The following CAAP1 variants were observed in gnomAD, a reference collection of about 807,000 sequenced individuals.
The protein encoded by CAAP1 is conserved anti-apoptotic protein.
CAAP1 carries 20 observed loss-of-function variants against 34.0 expected under a neutral mutation model. The ratio of observed to expected loss-of-function variants is 0.59; its 90% CI spans 0.41 to 0.86. The LOEUF (loss-of-function observed/expected upper bound fraction) is 0.86, where lower values mean the gene tolerates loss of function less well. Among genes scored for constraint, CAAP1 ranks in the 40% least tolerant of loss-of-function variants. The probability of loss-of-function intolerance (pLI) is 0.00; values close to 1 mark genes in which losing one functional copy is unlikely to be tolerated. For synonymous variants in CAAP1, 213 were observed against 166.7 expected, an observed-to-expected ratio of 1.28 and a Z score of -2.14; for missense variants, 538 against 450.5, an observed-to-expected ratio of 1.19 and a Z score of -1.76.
Position 26,884,954 on chromosome 9 carries a change from A to G in CAAP1, c.590-69T>C, listed in dbSNP as rs992155914. 3 of 1,168,068 alleles carry G rather than the reference A, an allele frequency of 2.6e-6. No homozygotes were observed. In the African/African-American group the frequency reaches 4.6e-5, roughly 18 times the overall value. 72.4% of individuals were successfully genotyped at this position (1,168,068 alleles called of 1,614,324 possible). A position where few individuals can be genotyped will look rare whatever the true frequency, so the allele number is the denominator to read the frequency against. ...TTAAAATGATGCAATCATGACATTA[A>G]AAAGTATAATCTTTAAAAGTGATGC... is the stretch of plus-strand genomic sequence containing the variant. On this transcript the variant is annotated intron_variant, in intron 3 of 5. Transcript: ENST00000333916.
At position 26,873,189 on chromosome 9, in the gene CAAP1, C is replaced by T. The variant is rs181301522; in HGVS notation, c.665+11621G>A. 2.3e-3 allele frequency among the ~76,000 whole-genome samples: 356 copies of T among 152,312 alleles called. 1 individual carries two copies. In the Middle Eastern group the frequency reaches 0.024, roughly 10 times the overall value. ...GATCACTTATCACTTCAGCAGTGACCCGTGATTGAGCCAATGCACTCCAGC... is the reference window on the plus strand; with the variant it reads ...GATCACTTATCACTTCAGCAGTGACTCGTGATTGAGCCAATGCACTCCAGC... On this transcript the variant is annotated intron_variant, in intron 4 of 5. Coordinates refer to ENST00000333916, the MANE Select transcript of CAAP1 (RefSeq NM_024828.4).
At chr9:26,885,959 T>C (rs1715495833) in intron 3 of CAAP1, 145 bp downstream of exon 3, 3 of 409,188 alleles carry the variant, frequency 7.3e-6, no homozygotes, top group African/African-American at 2.1e-5. Context: ...CTATATTTTT[T>C]AGTGCAAATA....
At chr9:26,871,914 AAAATAAATAAAT>A (rs539844823) in intron 4 of CAAP1, among the ~76,000 whole-genome samples, 5 of 149,668 alleles carry the variant, frequency 3.3e-5, no homozygotes, top group Admixed American at 6.6e-5. Context: ...ACTTCATCTC[AAAATAAATAAAT>A]AAATAAATAA....
At chr9:26,859,435 T>G (rs183852861) in intron 5 of CAAP1, among the ~76,000 whole-genome samples, 289 of 152,314 alleles carry the variant, frequency 1.9e-3, no homozygotes, top group African/African-American at 6.7e-3. Flanking sequence ...TCCTTTTTCC[T>G]AGGAACTGGA....
chr9:26,843,306 G>T (rs945833135), intron 5 of CAAP1, among the ~76,000 whole-genome samples: 15 of 152,096 alleles, frequency 9.9e-5, no homozygotes, highest in African/African-American at 3.6e-4. Flanking sequence ...TTCTATAACT[G>T]ATGCTAACAA....
chr9:26,884,911 A>G (rs751247592), intron 3 of CAAP1, 26 bp from the exon 4 acceptor site: 2 of 1,482,104 alleles, frequency 1.3e-6, no homozygotes, highest in African/African-American at 2.8e-5. Context: ...AACTATTGAA[A>G]GCACACTTAT....
chr9:26,874,251 T>C lies in CAAP1; in HGVS notation c.665+10559A>G, dbSNP rs1375375092. ...AAAAAAAATTTTTTTTACAGATACC[T>C]ACTGGTTGTACTTATTTATGGAGTA... On this transcript the variant is annotated intron_variant, in intron 4 of 5. Transcript: ENST00000333916. Among the ~76,000 whole-genome samples the C allele has an allele frequency of 4.7e-5, 7 of 149,194 alleles. No individual in the cohort carries two copies. The South Asian group carries it at 1.5e-3, about 32-fold the overall frequency.
intron 5 of CAAP1, among the ~76,000 whole-genome samples, chr9:26,847,504 G>A (rs920310133): frequency 2.6e-5 from 4 of 151,844 alleles, no homozygotes; most frequent in Admixed American, 1.3e-4. Context: ...GTGAGCCACC[G>A]TGCCCGGCCA....
intron 5 of CAAP1, among the ~76,000 whole-genome samples, chr9:26,850,880 A>T (rs1488937089): frequency 1.3e-5 from 2 of 152,214 alleles, no homozygotes; most frequent in Non-Finnish European, 2.9e-5. Context: ...ATTTCTAAAG[A>T]TAAAGAAAAA....
chr9:26,868,376 T>C (rs1341420600), intron 4 of CAAP1, among the ~76,000 whole-genome samples: 1 of 152,194 alleles, frequency 6.6e-6, no homozygotes, highest in African/African-American at 2.4e-5. Context: ...AATGATGTGA[T>C]ATGCTCTGAA....
chr9:26,864,657 T>C (rs1412522516), intron 4 of CAAP1, among the ~76,000 whole-genome samples: 1 of 152,246 alleles, frequency 6.6e-6, no homozygotes, highest in African/African-American at 2.4e-5. Context: ...TAGGGGGCTC[T>C]GTTTTATTTT....
At chr9:26,846,867 A>T (rs1212948943) in intron 5 of CAAP1, among the ~76,000 whole-genome samples, 1 of 151,472 alleles carries the variant, frequency 6.6e-6, no homozygotes. Flanking sequence ...TCGTATTTTT[A>T]GTAGAGACGG....
intron 4 of CAAP1, among the ~76,000 whole-genome samples, chr9:26,867,339 A>G (rs1009796537): frequency 2.0e-5 from 3 of 152,190 alleles, no homozygotes; most frequent in African/African-American, 4.8e-5. Context: ...AAAGACCGTC[A>G]AATCTCCTCC....
At chr9:26,846,245 C>G (rs1208109430) in intron 5 of CAAP1, among the ~76,000 whole-genome samples, 1 of 151,656 alleles carries the variant, frequency 6.6e-6, no homozygotes, top group Non-Finnish European at 1.5e-5. Flanking sequence ...GGTGAAACCC[C>G]ACCTCTACTA....
At chr9:26,844,325 C>A (rs7859608) in intron 5 of CAAP1, among the ~76,000 whole-genome samples, 1,929 of 152,094 alleles carry the variant, frequency 0.013, 38 homozygotes, top group African/African-American at 0.044. Context: ...CCATTGCACT[C>A]CAGCCTGGGC....
intron 4 of CAAP1, chr9:26,880,477 C>G (rs545491082): frequency 1.0e-4 from 19 of 190,036 alleles, no homozygotes; most frequent in South Asian, 9.6e-4. Flanking sequence ...TTGTAAGCAG[C>G]CTTTGTAGTC....
intron 4 of CAAP1, among the ~76,000 whole-genome samples, chr9:26,861,824 T>C (rs766512633): frequency 1.3e-4 from 20 of 152,184 alleles, no homozygotes; most frequent in Non-Finnish European, 1.9e-4. Context: ...AGAATTCTTA[T>C]ACATATCCTA....
At position 26,881,449 on chromosome 9, in the gene CAAP1, C is replaced by G. The variant is rs1823591121; in HGVS notation, c.665+3361G>C. Reference sequence around the variant, plus strand: ...AATCATGGGGGCAGTTTCTCCCATACTCTTCTGGTGGAAGTAAGTTTCACA... The same window carrying G: ...AATCATGGGGGCAGTTTCTCCCATAGTCTTCTGGTGGAAGTAAGTTTCACA... On this transcript the variant is annotated intron_variant, in intron 4 of 5. Coordinates refer to ENST00000333916, the MANE Select transcript of CAAP1 (RefSeq NM_024828.4). Among the ~76,000 whole-genome samples, 6 of 152,340 alleles carry G rather than the reference C, an allele frequency of 3.9e-5. No individual in the cohort carries two copies. The South Asian group carries it at 1.2e-3, about 32-fold the overall frequency.
At chr9:26,846,415 C>CA (rs761402354) in intron 5 of CAAP1, among the ~76,000 whole-genome samples, 1,018 of 61,328 alleles carry the variant, frequency 0.017, 19 homozygotes, top group African/African-American at 0.021. Context: ...GACTCTGTCT[C>CA]AAAAAAAAAA....
Sources: allele counts gnomAD v4.1 joint callset (sites outside exome capture counted in the v4.1 genomes callset), GRCh38; gene constraint gnomAD v4.1.1; transcripts MANE v1.5; gene names NCBI Gene and HGNC (gene_info 2026-07-23, HGNC 2026-07-21).